The following SPTB variants were observed in gnomAD, a reference collection of about 807,000 sequenced individuals.
SPTB encodes spectrin beta chain, erythrocytic.
SPTB carries 45 observed loss-of-function variants against 256.2 expected under a neutral mutation model. The ratio of observed to expected loss-of-function variants is 0.18; its 90% confidence interval spans 0.14 to 0.23. SPTB has a LOEUF of 0.23. Ranked by LOEUF, SPTB falls within the 10% of genes least tolerant of loss-of-function variation. The pLI, the probability that SPTB is intolerant of heterozygous loss-of-function variation, is 1.00. For missense variants in SPTB, 2,715 were observed against 3,040.4 expected (o/e 0.89, Z 2.52); for synonymous variants, 1,231 against 1,243.1 (o/e 0.99, Z 0.21).
At chr14:64,752,236 C>G in intron 33 of SPTB, 2 of 1,348,338 alleles carry the variant, frequency 1.5e-6, no homozygotes, top group Non-Finnish European at 2.0e-6. Flanking sequence ...TGCTGCATTT[C>G]TACAGCAACA....
Position 64,790,609 on chromosome 14 carries a change from G to GCC in SPTB, c.2804+1108_2804+1109dup, listed in dbSNP as rs199917151. 6.6e-6 allele frequency among the ~76,000 whole-genome samples: 1 copy of GCC among 152,106 alleles called. No homozygotes were observed. The highest frequency in any genetic ancestry group is 1.5e-5 in the Non-Finnish European group (1 of 68,028). ...TTCTGGTCATCGCTGCCTCCCCTTA[G>GCC]CCCCCCAGTGAACTCTCCACTGTGC... On this transcript the variant is annotated intron_variant, in intron 15 of 35. Coordinates refer to ENST00000644917, the MANE Select transcript of SPTB (RefSeq NM_001355436.2). This position sits in a 1 kb window ranked among gnomAD's most constrained non-coding sequence, Gnocchi z 4.8.
At chr14:64,846,254 C>T (rs1024697320) in intron 1 of SPTB, among the ~76,000 whole-genome samples, 2 of 152,194 alleles carry the variant, frequency 1.3e-5, no homozygotes, top group African/African-American at 4.8e-5. Flanking sequence ...GACTCATTCA[C>T]CTTAAACCCT....
chr14:64,846,469 T>C (rs1454150020), intron 1 of SPTB, among the ~76,000 whole-genome samples: 1 of 152,196 alleles, frequency 6.6e-6, no homozygotes, highest in East Asian at 1.9e-4. Context: ...CCTAGGTGCC[T>C]GAAAGGGCAG....
rs1241405551 is a variant in SPTB at position 64,796,770 on chromosome 14, G to A, written c.1183-55C>T. The A allele has an allele frequency of 5.0e-6, 8 of 1,609,502 alleles. No individual in the cohort carries two copies. The highest frequency in any genetic ancestry group is 5.9e-6 in the Non-Finnish European group (7 of 1,177,924). On this transcript the variant is annotated intron_variant, in intron 10 of 35. Transcript: ENST00000644917. The surrounding 1 kb of genome is among the most constrained non-coding windows in gnomAD (Gnocchi z 4.1). Reference sequence around the variant, plus strand: ...GGGCACAGGAGAAATGCCTCACTTTGGGGGCTCCACCCCTTTCACCCAACA... The same window carrying A: ...GGGCACAGGAGAAATGCCTCACTTTAGGGGCTCCACCCCTTTCACCCAACA...
rs148228250 is a variant in SPTB at position 64,777,876 on chromosome 14, C to T, written c.4563+1281G>A. Among the ~76,000 whole-genome samples the T allele has an allele frequency of 2.6e-5, 4 of 152,106 alleles. No individual in the cohort carries two copies. Among genetic ancestry groups the T allele is most frequent in the Admixed American group, 6.5e-5 (1 of 15,276 alleles). On this transcript the variant is annotated intron_variant, in intron 22 of 35. Coordinates refer to ENST00000644917, the MANE Select transcript of SPTB (RefSeq NM_001355436.2). This position sits in a 1 kb window ranked among gnomAD's most constrained non-coding sequence, Gnocchi z 4.5. ...CCTTCTTGGTTAGGGGAACCCCATCCGTATTTGTCTTGCCCTTTTCCCGAA... is the reference window on the plus strand; with the variant it reads ...CCTTCTTGGTTAGGGGAACCCCATCTGTATTTGTCTTGCCCTTTTCCCGAA...
intron 1 of SPTB, among the ~76,000 whole-genome samples, chr14:64,840,624 C>CTT (rs1372814115): frequency 6.6e-6 from 1 of 152,224 alleles, no homozygotes; most frequent in East Asian, 1.9e-4. Context: ...CCTCTTGCTA[C>CTT]CTGAAGGAGC....
At chr14:64,791,549 G>T (rs2082672560) in intron 15 of SPTB, among the ~76,000 whole-genome samples, 170 bp downstream of exon 15, 1 of 120,112 alleles carries the variant, frequency 8.3e-6, no homozygotes, top group Admixed American at 9.7e-5. Context: ...CTGGGTAAAA[G>T]AGTGAGGTTC....
Position 64,853,142 on chromosome 14 carries a change from C to T in SPTB, c.-52+26650G>A, listed in dbSNP as rs2083813247. Among the ~76,000 whole-genome samples, 1 of 152,000 alleles carries T rather than the reference C, an allele frequency of 6.6e-6. No homozygotes were observed. The highest frequency in any genetic ancestry group is 2.4e-5 in the African/African-American group (1 of 41,358). On this transcript the variant is annotated intron_variant, in intron 1 of 35. Coordinates refer to ENST00000644917, the MANE Select transcript of SPTB (RefSeq NM_001355436.2). The surrounding 1 kb of genome is among the most constrained non-coding windows in gnomAD (Gnocchi z 4.3). ...CATGTGCAAAGCCAACAGTAAAAGTCCTGGACATCCCATGGGATATCTGGG... is the reference window on the plus strand; with the variant it reads ...CATGTGCAAAGCCAACAGTAAAAGTTCTGGACATCCCATGGGATATCTGGG...
In SPTB at chr14:64,784,321, T is replaced by C. The variant is rs2082524748; in HGVS notation, c.3928A>G (p.Asn1310Asp). ...AACGCCTGGTGCTTTAGCCATTTAT[T>C]GTGAAGGTTTCGTGCTTCATCATAG... ...VSYDEARNLHNKWLKHQAFVA... is the reference protein window; with the variant it reads ...VSYDEARNLHDKWLKHQAFVA... Residue 1310 changes from asparagine to aspartate, a missense_variant, in exon 19 of 36, where the codon AAT becomes GAT. By Grantham distance (23) the Asn-to-Asp change is conservative (BLOSUM62 1). Around this residue, in one of 4 missense-constraint regions of SPTB, gnomAD observed 2,239 missense variants for 2,384.4 expected, o/e 0.94. Transcript: ENST00000644917. 1.2e-6 allele frequency: 2 copies of C among 1,614,246 alleles called. No individual in the cohort carries two copies. Among genetic ancestry groups the C allele is most frequent in the African/African-American group, 1.3e-5 (1 of 75,064 alleles).
At chr14:64,808,511 C>A (rs1467857440) in intron 2 of SPTB, among the ~76,000 whole-genome samples, 2 of 152,192 alleles carry the variant, frequency 1.3e-5, no homozygotes, top group South Asian at 2.1e-4. Flanking sequence ...GACACTAAAA[C>A]CCTCAAATAT....
Position 64,844,446 on chromosome 14 carries a change from C to A in SPTB, c.-51-21301G>T, listed in dbSNP as rs1424339158. The stretch of plus-strand genomic sequence containing the variant: ...CCATGCTAAGTGCCTGACATACATA[C>A]CTCCTTTCATCATCAGTGCTCTCCT... On this transcript the variant is annotated intron_variant, in intron 1 of 35. Coordinates refer to ENST00000644917, the MANE Select transcript of SPTB (RefSeq NM_001355436.2). This position sits in a 1 kb window ranked among gnomAD's most constrained non-coding sequence, Gnocchi z 4.1. Among the ~76,000 whole-genome samples the A allele has an allele frequency of 6.6e-6, 1 of 152,182 alleles. No individual in the cohort carries two copies. Among genetic ancestry groups the A allele is most frequent in the Non-Finnish European group, 1.5e-5 (1 of 68,034 alleles).
At chr14:64,763,832 A>T (rs1388951936) in intron 32 of SPTB, 1 of 518,926 alleles carries the variant, frequency 1.9e-6, no homozygotes. Flanking sequence ...AGGCGGTGGG[A>T]CCGTGCAGTG....
intron 32 of SPTB, chr14:64,754,014 T>G: frequency 3.1e-6 from 2 of 647,476 alleles, no homozygotes; most frequent in African/African-American, 1.8e-5. Flanking sequence ...TTCCACCCCA[T>G]TCTCCCTTCA....
chr14:64,809,790 T>C (rs2083053433), intron 2 of SPTB, among the ~76,000 whole-genome samples: 1 of 152,186 alleles, frequency 6.6e-6, no homozygotes, highest in East Asian at 1.9e-4. Flanking sequence ...TGTTTCAGAT[T>C]ACATCTCAAA....
chr14:64,801,641 G>A (rs1306407027), intron 6 of SPTB, 113 bp downstream of exon 6: 2 of 1,149,654 alleles, frequency 1.7e-6, no homozygotes, highest in Non-Finnish European at 1.3e-6. Flanking sequence ...AAGGGGAGAG[G>A]AGAAGGAACA....
chr14:64,769,835 G>T, intron 27 of SPTB, 107 bp from the exon 28 acceptor site: 2 of 1,487,210 alleles, frequency 1.3e-6, no homozygotes, highest in Non-Finnish European at 1.9e-6. Context: ...GAGTGTGACC[G>T]TGCTCCCTCC....
chr14:64,753,863 A>C (rs1367734884), intron 32 of SPTB, 70 bp from the exon 33 acceptor site: 1 of 1,596,352 alleles, frequency 6.3e-7, no homozygotes, highest in Non-Finnish European at 8.5e-7. Flanking sequence ...TCTCAGCAAA[A>C]TTGGGAGGTC....
intron 19 of SPTB, among the ~76,000 whole-genome samples, chr14:64,783,080 C>A (rs1456515540): frequency 6.6e-6 from 1 of 152,168 alleles, no homozygotes; most frequent in Non-Finnish European, 1.5e-5. Flanking sequence ...TGTGCACTAA[C>A]CTTCGCTGAC....
rs1017275833 is a variant in SPTB, at chr14:64,779,818, G to A, written c.4380C>T (p.Phe1460=). Residue 1460 remains phenylalanine (F), a synonymous_variant, in exon 21 of 36, where the codon TTC becomes TTT. Coordinates refer to ENST00000644917, the MANE Select transcript of SPTB (RefSeq NM_001355436.2). This position sits in a 1 kb window ranked among gnomAD's most constrained non-coding sequence, Gnocchi z 4.2. ...TTCCTAGGGGTTCCAGGAGGTCCAG[G>A]AACCGCTTCTCGATGCTCAAGTCTG... is the stretch of plus-strand genomic sequence containing the variant. ...GDADLSIEKR[F]LDLLEPLGRR... 2 of 1,614,086 alleles carry A rather than the reference G, an allele frequency of 1.2e-6. No homozygotes were observed. The highest frequency in any genetic ancestry group is 8.5e-7 in the Non-Finnish European group (1 of 1,180,014).
Sources: gnomAD v4.1 joint callset for allele counts (sites outside exome capture counted in the v4.1 genomes callset) on GRCh38, gnomAD v4.1.1 for gene constraint, gnomAD v4.1.1 regional missense constraint, Gnocchi (gnomAD v3.1) non-coding constraint, MANE v1.5 for transcripts, NCBI Gene and HGNC (gene_info 2026-07-23, HGNC 2026-07-21) for gene names.